ZNF532: variants seen among roughly 807,000 people sequenced by gnomAD.
ZNF532 encodes zinc finger protein 532.
A neutral mutation model predicts 89.3 loss-of-function variants in ZNF532; 22 were observed. The ratio of observed to expected loss-of-function variants is 0.25; its 90% CI spans 0.18 to 0.35. The LOEUF (loss-of-function observed/expected upper bound fraction) is 0.35. Among genes scored for constraint, ZNF532 ranks in the 10% least tolerant of loss-of-function variants. The probability of loss-of-function intolerance (pLI) is 1.00; values close to 1 mark genes in which losing one functional copy is unlikely to be tolerated. For missense variants in ZNF532, 1,132 were observed against 1,643.4 expected (o/e 0.69, Z 5.38); for synonymous variants, 606 against 649.6 (o/e 0.93, Z 1.02).
At chr18:58,885,943 G>T (rs2058273787) in intron 2 of ZNF532, among the ~76,000 whole-genome samples, 1 of 151,928 alleles carries the variant, frequency 6.6e-6, no homozygotes, top group African/African-American at 2.4e-5. Context: ...ATCTGTGGTG[G>T]CATCCTTCTG....
chr18:58,971,781 T>C (rs150407370), intron 7 of ZNF532, among the ~76,000 whole-genome samples: 1 of 152,332 alleles, frequency 6.6e-6, no homozygotes. Flanking sequence ...CAATAGTTTA[T>C]ACAAAGGAAA....
At chr18:58,939,781 A>G in intron 5 of ZNF532, 160 bp downstream of exon 5, 1 of 555,768 alleles carries the variant, frequency 1.8e-6, no homozygotes, top group Non-Finnish European at 2.9e-6. Flanking sequence ...GCTCATCCAA[A>G]TCTTTCTGTT....
At chr18:58,933,204 C>G (rs182067909) in intron 3 of ZNF532, among the ~76,000 whole-genome samples, 3 of 152,010 alleles carry the variant, frequency 2.0e-5, no homozygotes, top group Admixed American at 2.0e-4. Context: ...ATGATGCTAA[C>G]TTCATTAAAG....
At chr18:58,899,397 G>A (rs1335884772) in intron 2 of ZNF532, among the ~76,000 whole-genome samples, 1 of 152,106 alleles carries the variant, frequency 6.6e-6, no homozygotes, top group Non-Finnish European at 1.5e-5. Flanking sequence ...TTTGTCTTGG[G>A]AGATGTTCCT....
intron 2 of ZNF532, among the ~76,000 whole-genome samples, chr18:58,872,782 C>T (rs1157644503): frequency 6.6e-6 from 1 of 151,646 alleles, no homozygotes; most frequent in Non-Finnish European, 1.5e-5. Context: ...TCACTGCAAC[C>T]TCCGCCTTCC....
intron 2 of ZNF532, among the ~76,000 whole-genome samples, chr18:58,917,038 A>G (rs936588843): frequency 2.6e-5 from 4 of 152,208 alleles, no homozygotes; most frequent in Admixed American, 2.6e-4. Flanking sequence ...GAATTCTTCC[A>G]CTGAAAGTTG....
At position 58,934,589 on chromosome 18, in the gene ZNF532, C is replaced by G; in HGVS notation, c.2503C>G (p.His835Asp). Reference sequence around the variant, plus strand: ...GACCCACGTCACCAAGAACTGTCTGCACTACACGAGGAGAGTTGGTTTTCG... The same window carrying G: ...GACCCACGTCACCAAGAACTGTCTGGACTACACGAGGAGAGTTGGTTTTCG... The part of the protein sequence containing the change: ...FQTHVTKNCL[H>D]YTRRVGFRCV... The change falls in exon 4 of 10, where the codon CAC (histidine) becomes GAC (aspartate). Residue 835 changes from histidine (H) to aspartate (D), a missense_variant. His to Asp is a moderately conservative substitution (Grantham distance 81). Transcript: ENST00000591808. 6.2e-7 allele frequency: 1 copy of G among 1,614,000 alleles called. No homozygotes were observed. Among genetic ancestry groups the G allele is most frequent in the South Asian group, 1.1e-5 (1 of 91,050 alleles).
chr18:58,954,610 T>C (rs1294249606), intron 7 of ZNF532, among the ~76,000 whole-genome samples: 4 of 152,118 alleles, frequency 2.6e-5, no homozygotes, highest in African/African-American at 9.7e-5. Context: ...ATTGGATTGT[T>C]TGTCCTATAT....
intron 7 of ZNF532, among the ~76,000 whole-genome samples, chr18:58,960,318 G>A (rs983527220): frequency 1.3e-5 from 2 of 152,168 alleles, no homozygotes. Flanking sequence ...CCAAAGTGTC[G>A]GGATTACAGG....
chr18:58,955,353 T>G (rs2064661270), intron 7 of ZNF532, among the ~76,000 whole-genome samples: 1 of 152,270 alleles, frequency 6.6e-6, no homozygotes. Context: ...TTGTCTCATT[T>G]GTAATCCTAA....
intron 2 of ZNF532, among the ~76,000 whole-genome samples, chr18:58,914,586 A>G (rs1428737880): frequency 6.6e-6 from 1 of 152,228 alleles, no homozygotes; most frequent in African/African-American, 2.4e-5. Flanking sequence ...AGGCTGAGGC[A>G]GGAGAATTGC....
chr18:58,974,615 A>ATACCAAG (rs975135575), intron 7 of ZNF532, among the ~76,000 whole-genome samples: 16 of 152,352 alleles, frequency 1.1e-4, no homozygotes, highest in Non-Finnish European at 2.4e-4. Context: ...TCCCTGAGAA[A>ATACCAAG]TACCAAGTGA....
rs180902775 is a variant in ZNF532 at position 58,931,949 on chromosome 18, A to G, written c.2347-2484A>G. On this transcript the variant is annotated intron_variant, in intron 3 of 9. Transcript: ENST00000591808. Reference sequence around the variant, plus strand: ...AGTGAGACACTATCTCAAAACAACAACAATAATAAAAAACCCAAACCAAAT... The same window carrying G: ...AGTGAGACACTATCTCAAAACAACAGCAATAATAAAAAACCCAAACCAAAT... Among the ~76,000 whole-genome samples, 438 of 152,254 alleles carry G rather than the reference A, an allele frequency of 2.9e-3. 13 individuals are homozygous for G. In the South Asian group the frequency reaches 0.06, roughly 21 times the overall value.
intron 2 of ZNF532, among the ~76,000 whole-genome samples, chr18:58,890,800 C>G (rs1319275217): frequency 6.6e-6 from 1 of 151,768 alleles, no homozygotes; most frequent in African/African-American, 2.4e-5. Flanking sequence ...CTCTTTACCT[C>G]TTCTTCCCGG....
intron 6 of ZNF532, among the ~76,000 whole-genome samples, chr18:58,950,215 G>A (rs1230424919): frequency 6.6e-6 from 1 of 152,180 alleles, no homozygotes; most frequent in East Asian, 1.9e-4. Context: ...CGACTTTGTG[G>A]TTAGGGTCTT....
Position 58,918,639 on chromosome 18 carries a change from G to C in ZNF532, c.352G>C (p.Glu118Gln). The C allele has an allele frequency of 1.9e-6, 3 of 1,614,172 alleles. No homozygotes were observed. Among genetic ancestry groups the C allele is most frequent in the Non-Finnish European group, 2.5e-6 (3 of 1,180,034 alleles). The change falls in exon 3 of 10, where the codon GAG becomes CAG. Residue 118 changes from glutamate to glutamine, a missense_variant. By Grantham distance (29) the Glu-to-Gln change is conservative. This residue lies in a region of ZNF532 where 302 missense variants were observed against 319.8 expected (regional missense o/e 0.94). Transcript: ENST00000591808. ...KSLKGDVPAS[E>Q]VTLKDSTFSQ... ...CTTGAAAGGAGATGTGCCTGCCTCT[G>C]AGGTGACACTGAAAGACTCGACATT...
At chr18:58,938,499 T>G (rs563919098) in intron 4 of ZNF532, among the ~76,000 whole-genome samples, 5 of 152,374 alleles carry the variant, frequency 3.3e-5, no homozygotes, top group Non-Finnish European at 7.3e-5. Flanking sequence ...TAGACAATTT[T>G]TTTTAGAGAT....
intron 7 of ZNF532, among the ~76,000 whole-genome samples, chr18:58,963,623 GTGTGTGTGTGTGTGTGTGTGTGTA>G (rs1303744530): frequency 4.7e-4 from 70 of 147,658 alleles, no homozygotes; most frequent in African/African-American, 1.7e-3. Context: ...GTGTGTGTGT[GTGTGTGTGTGTGTGTGTGTGTGTA>G]TGTATATAAA....
chr18:58,910,397 T>TA (rs1170637764), intron 2 of ZNF532, among the ~76,000 whole-genome samples: 1 of 152,216 alleles, frequency 6.6e-6, no homozygotes, highest in Admixed American at 6.5e-5. Flanking sequence ...CAGTTGGTCT[T>TA]AATTTTGGAC....
Sources: gnomAD v4.1 joint callset for allele counts (sites outside exome capture counted in the v4.1 genomes callset) on GRCh38, gnomAD v4.1.1 for gene constraint, gnomAD v4.1.1 regional missense constraint, MANE v1.5 for transcripts, NCBI Gene and HGNC (gene_info 2026-07-23, HGNC 2026-07-21) for gene names.